VOPP1: variants seen among roughly 807,000 people sequenced by gnomAD.
The protein encoded by VOPP1 is WW domain binding protein VOPP1.
VOPP1 carries 8 observed loss-of-function variants against 23.5 expected under a neutral mutation model. The ratio of observed to expected loss-of-function variants is 0.34; its 90% CI spans 0.20 to 0.61. VOPP1 has a LOEUF of 0.61. Ranked by LOEUF, VOPP1 falls within the 20% of genes least tolerant of loss-of-function variation. VOPP1 has a pLI of 0.78. For missense variants in VOPP1, 174 were observed against 238.1 expected (o/e 0.73, Z 1.77); for synonymous variants, 83 against 97.3 (o/e 0.85, Z 0.86).
intron 4 of VOPP1, among the ~76,000 whole-genome samples, chr7:55,455,131 C>A (rs572662046): frequency 1.3e-5 from 2 of 152,046 alleles, no homozygotes; most frequent in African/African-American, 4.8e-5. Context: ...AAAATCAACA[C>A]GCAAAAATCA....
intron 4 of VOPP1, among the ~76,000 whole-genome samples, chr7:55,460,284 T>C (rs1277236871): frequency 1.3e-5 from 2 of 152,242 alleles, no homozygotes; most frequent in South Asian, 2.1e-4. Context: ...TGGCCTAACA[T>C]ATGGCCTATC....
chr7:55,525,175 C>T (rs1796096984), intron 1 of VOPP1, among the ~76,000 whole-genome samples: 1 of 152,142 alleles, frequency 6.6e-6, no homozygotes, highest in African/African-American at 2.4e-5. Context: ...CAGTCTGGGT[C>T]TCACTCTCCT....
chr7:55,479,267 T>C (rs1443726310), intron 4 of VOPP1, among the ~76,000 whole-genome samples: 1 of 152,114 alleles, frequency 6.6e-6, no homozygotes, highest in African/African-American at 2.4e-5. Context: ...AACTCGTCAT[T>C]TAGCGTTAGG....
chr7:55,533,816 G>A (rs1043762609), intron 1 of VOPP1, among the ~76,000 whole-genome samples: 6 of 152,174 alleles, frequency 3.9e-5, no homozygotes, highest in Non-Finnish European at 8.8e-5. Flanking sequence ...GTTGTCTGGG[G>A]ACTGACCTTC....
At chr7:55,461,702 C>A (rs2129003725) in intron 4 of VOPP1, among the ~76,000 whole-genome samples, 1 of 152,332 alleles carries the variant, frequency 6.6e-6, no homozygotes, top group Middle Eastern at 3.4e-3. Flanking sequence ...AGACGTGAGC[C>A]ACTGCGCCCG....
chr7:55,542,594 A>G (rs2129051313), intron 1 of VOPP1, among the ~76,000 whole-genome samples: 1 of 152,312 alleles, frequency 6.6e-6, no homozygotes, highest in Non-Finnish European at 1.5e-5. Context: ...GTTCAAGACC[A>G]GCCTGGCCAA....
rs545839808 is a variant in VOPP1 at position 55,455,991 on chromosome 7, GA to G, written n.418-19818del. 2.6e-5 allele frequency among the ~76,000 whole-genome samples: 4 copies of G among 152,192 alleles called. No homozygotes were observed. In the East Asian group the frequency reaches 7.7e-4, roughly 29 times the overall value. ...ACTAAAGAGCTTCTGCACAGCAAAA[GA>G]AACTATCATCAGAGTGAACAGGCAA... is the stretch of plus-strand genomic sequence containing the variant. On this transcript the variant is annotated intron_variant and non_coding_transcript_variant, in intron 4 of 4. Transcript: ENST00000462326.
At chr7:55,534,492 T>C (rs1796669061) in intron 1 of VOPP1, among the ~76,000 whole-genome samples, 1 of 152,218 alleles carries the variant, frequency 6.6e-6, no homozygotes, top group Admixed American at 6.5e-5. Context: ...ATTAGTCATT[T>C]AGAGCCCTGG....
intron 1 of VOPP1, among the ~76,000 whole-genome samples, chr7:55,552,021 CAAAAAA>C (rs202229227): frequency 0.02 from 1,122 of 55,746 alleles, 8 homozygotes; most frequent in Admixed American, 0.029. Flanking sequence ...AGACTGTGTC[CAAAAAA>C]AAAAAAAAAA....
At chr7:55,463,698 C>T (rs1791563508) in intron 4 of VOPP1, among the ~76,000 whole-genome samples, 1 of 152,172 alleles carries the variant, frequency 6.6e-6, no homozygotes. Flanking sequence ...TCCTCTCCCA[C>T]CCCCGCTCCC....
chr7:55,539,464 G>C (rs2129050206), intron 1 of VOPP1: 1 of 152,310 alleles, frequency 6.6e-6, no homozygotes, highest in South Asian at 2.1e-4. Flanking sequence ...GATGATTTAA[G>C]AATTCCATTC....
At chr7:55,438,391 TA>T (rs1370476940) in intron 4 of VOPP1, among the ~76,000 whole-genome samples, 1 of 151,964 alleles carries the variant, frequency 6.6e-6, no homozygotes, top group Non-Finnish European at 1.5e-5. Context: ...ACAGTACACA[TA>T]AGTGTGTACA....
intron 4 of VOPP1, among the ~76,000 whole-genome samples, chr7:55,456,650 G>A (rs1345951272): frequency 1.3e-5 from 2 of 152,116 alleles, no homozygotes; most frequent in African/African-American, 2.4e-5. Context: ...TCCTTTGCAG[G>A]CACTTGGATG....
chr7:55,462,346 T>C (rs1000496236), intron 4 of VOPP1, among the ~76,000 whole-genome samples: 7 of 152,210 alleles, frequency 4.6e-5, no homozygotes, highest in Non-Finnish European at 1.0e-4. Flanking sequence ...CTTTTTCGGG[T>C]TCAATCTATT....
At chr7:55,438,391 T>A (rs542864372) in intron 4 of VOPP1, among the ~76,000 whole-genome samples, 2 of 152,082 alleles carry the variant, frequency 1.3e-5, no homozygotes, top group South Asian at 4.2e-4. Flanking sequence ...ACAGTACACA[T>A]AAGTGTGTAC....
At chr7:55,538,734 A>C in intron 1 of VOPP1, 1 of 1,409,942 alleles carries the variant, frequency 7.1e-7, no homozygotes, top group Non-Finnish European at 9.6e-7. Flanking sequence ...AGTCATGGCC[A>C]TTCCTATAAA....
At chr7:55,536,052 G>A (rs888020452) in intron 1 of VOPP1, among the ~76,000 whole-genome samples, 4 of 152,206 alleles carry the variant, frequency 2.6e-5, no homozygotes, top group Non-Finnish European at 5.9e-5. Flanking sequence ...AGGAGTAAGG[G>A]CCCTGCCTCG....
chr7:55,532,523 C>T (rs1038685959), intron 1 of VOPP1, among the ~76,000 whole-genome samples: 8 of 152,212 alleles, frequency 5.3e-5, no homozygotes, highest in African/African-American at 1.7e-4. Flanking sequence ...TTCTCTACAA[C>T]GTACTTTTGT....
chr7:55,534,351 G>GT (rs1796660833), intron 1 of VOPP1, among the ~76,000 whole-genome samples: 1 of 152,138 alleles, frequency 6.6e-6, no homozygotes, highest in African/African-American at 2.4e-5. Flanking sequence ...GTCTCAGCTA[G>GT]TGCAAGGTCC....
Sources: allele counts gnomAD v4.1 joint callset (sites outside exome capture counted in the v4.1 genomes callset), GRCh38; gene constraint gnomAD v4.1.1; transcripts MANE v1.5; gene names NCBI Gene and HGNC (gene_info 2026-07-23, HGNC 2026-07-21).